Variants in LSAMP observed in about 807,000 individuals in gnomAD.
The protein encoded by LSAMP is limbic system-associated membrane protein.
A neutral mutation model predicts 38.6 loss-of-function variants in LSAMP; 7 were observed. The observed-to-expected ratio is 0.18, with a 90% CI of 0.10 to 0.34. The LOEUF (loss-of-function observed/expected upper bound fraction) is 0.34, where lower values mean the gene tolerates loss of function less well. Among genes scored for constraint, LSAMP ranks in the 10% least tolerant of loss-of-function variants. The pLI is 1.00. For synonymous variants in LSAMP, 154 were observed against 166.8 expected (o/e 0.92, Z 0.59); for missense variants, 313 against 420.0 (o/e 0.75, Z 2.23).
At chr3:116,407,996 C>CT (rs1485552776) in intron 1 of LSAMP, among the ~76,000 whole-genome samples, 1 of 151,928 alleles carries the variant, frequency 6.6e-6, no homozygotes, top group Non-Finnish European at 1.5e-5. Flanking sequence ...CTAATGTAAG[C>CT]TTATTAAGGA....
chr3:116,004,049 A>T (rs1427894347), intron 3 of LSAMP, among the ~76,000 whole-genome samples: 1 of 152,202 alleles, frequency 6.6e-6, no homozygotes, highest in Non-Finnish European at 1.5e-5. Context: ...TGTGTGATTA[A>T]TGACTGCAAC....
At chr3:116,164,756 A>ATTTT (rs1159041110) in intron 1 of LSAMP, among the ~76,000 whole-genome samples, 2 of 55,992 alleles carry the variant, frequency 3.6e-5, no homozygotes, top group Non-Finnish European at 7.9e-5. Context: ...ATATATATAT[A>ATTTT]TATATTTTTT....
chr3:115,874,160 C>G (rs949194266), intron 3 of LSAMP, among the ~76,000 whole-genome samples: 1 of 152,062 alleles, frequency 6.6e-6, no homozygotes, highest in Non-Finnish European at 1.5e-5. Flanking sequence ...AGAGTTGGAG[C>G]TTTTAGATTT....
intron 1 of LSAMP, among the ~76,000 whole-genome samples, chr3:116,299,816 A>G (rs568052052): frequency 6.6e-6 from 1 of 152,312 alleles, no homozygotes; most frequent in South Asian, 2.1e-4. Flanking sequence ...AAAGGCTCAG[A>G]AAAACAAGAC....
intron 1 of LSAMP, among the ~76,000 whole-genome samples, chr3:116,154,891 C>A (rs1162845818): frequency 1.3e-5 from 2 of 152,084 alleles, no homozygotes; most frequent in East Asian, 1.9e-4. Context: ...ATTGAAATAG[C>A]CATCTAGGTA....
Position 116,149,832 on chromosome 3 carries a change from A to G in LSAMP, c.156-63276T>C, listed in dbSNP as rs906133881. 3.9e-5 allele frequency among the ~76,000 whole-genome samples: 6 copies of G among 152,028 alleles called. No homozygotes were observed. In the East Asian group the frequency reaches 1.2e-3, roughly 29 times the overall value. On this transcript the variant is annotated intron_variant, in intron 1 of 6. Coordinates refer to ENST00000490035, the MANE Select transcript of LSAMP (RefSeq NM_002338.5). Reference sequence around the variant, plus strand: ...AAAGGCTCTATGAGTGACTGGAAGCATTTCTTATACACATACTGACTTCAG... The same window carrying G: ...AAAGGCTCTATGAGTGACTGGAAGCGTTTCTTATACACATACTGACTTCAG...
chr3:116,032,972 C>A (rs1576321144), intron 2 of LSAMP, among the ~76,000 whole-genome samples: 1 of 152,124 alleles, frequency 6.6e-6, no homozygotes, highest in African/African-American at 2.4e-5. Context: ...CCACTGATTG[C>A]GTAGAAGCAA....
At chr3:116,319,219 CTTTCCTCTATAAAAAAGTTAACAGA>C (rs2047674927) in intron 1 of LSAMP, among the ~76,000 whole-genome samples, 1 of 152,142 alleles carries the variant, frequency 6.6e-6, no homozygotes. Context: ...ACTATGCTTC[CTTTCCTCTATAAAAAAGTTAACAGA>C]TTAAAAAATG....
At chr3:115,910,426 T>C (rs546272826) in intron 3 of LSAMP, among the ~76,000 whole-genome samples, 3 of 152,312 alleles carry the variant, frequency 2.0e-5, no homozygotes, top group Admixed American at 1.3e-4. Flanking sequence ...ATGCCTTCTC[T>C]AGCTAACTAC....
At chr3:115,902,217 T>C (rs1936893211) in intron 3 of LSAMP, among the ~76,000 whole-genome samples, 1 of 151,992 alleles carries the variant, frequency 6.6e-6, no homozygotes, top group Non-Finnish European at 1.5e-5. Flanking sequence ...CATAGAAATA[T>C]ATAGTATCAT....
At chr3:115,874,191 G>A (rs1936123227) in intron 3 of LSAMP, among the ~76,000 whole-genome samples, 2 of 152,204 alleles carry the variant, frequency 1.3e-5, no homozygotes, top group Middle Eastern at 3.4e-3. Context: ...ATTGATTAAT[G>A]TAAACGGCAC....
chr3:115,894,069 T>C (rs915826339), intron 3 of LSAMP, among the ~76,000 whole-genome samples: 2 of 152,062 alleles, frequency 1.3e-5, no homozygotes, highest in African/African-American at 2.4e-5. Flanking sequence ...ATTTAGACAA[T>C]CTTATTCTGC....
intron 2 of LSAMP, among the ~76,000 whole-genome samples, chr3:116,039,740 A>G (rs938917810): frequency 6.6e-6 from 1 of 152,200 alleles, no homozygotes; most frequent in African/African-American, 2.4e-5. Context: ...GGCCACAGGA[A>G]AACCTTTGAG....
chr3:116,167,988 A>G (rs1710101661), intron 1 of LSAMP, among the ~76,000 whole-genome samples: 1 of 152,210 alleles, frequency 6.6e-6, no homozygotes, highest in East Asian at 1.9e-4. Flanking sequence ...ATGGAAGAGT[A>G]GAATTGAAGA....
intron 1 of LSAMP, among the ~76,000 whole-genome samples, chr3:116,148,841 A>G (rs923874783): frequency 6.6e-6 from 1 of 152,056 alleles, no homozygotes; most frequent in Admixed American, 6.6e-5. Flanking sequence ...AAAGAATGTC[A>G]GTAGTTTGCA....
chr3:116,314,631 A>G (rs933851269), intron 1 of LSAMP, among the ~76,000 whole-genome samples: 4 of 152,194 alleles, frequency 2.6e-5, no homozygotes, highest in African/African-American at 9.6e-5. Flanking sequence ...GGTTTAACTG[A>G]TAAAGACAGA....
intron 1 of LSAMP, among the ~76,000 whole-genome samples, chr3:116,123,613 C>CA (rs1708937790): frequency 6.6e-6 from 1 of 152,250 alleles, no homozygotes; most frequent in African/African-American, 2.4e-5. Flanking sequence ...CATTGTGAAT[C>CA]AAAAATGTTT....
intron 3 of LSAMP, among the ~76,000 whole-genome samples, chr3:115,936,657 T>G (rs1267391332): frequency 1.3e-5 from 2 of 152,152 alleles, no homozygotes; most frequent in African/African-American, 2.4e-5. Flanking sequence ...AATTAGCCTT[T>G]GGGAACCTGG....
intron 3 of LSAMP, among the ~76,000 whole-genome samples, chr3:115,901,260 T>C (rs960146451): frequency 5.3e-5 from 8 of 151,978 alleles, no homozygotes; most frequent in Non-Finnish European, 8.8e-5. Context: ...AATGTAGCAG[T>C]AAAATACTAG....
Sources: allele counts gnomAD v4.1 joint callset (sites outside exome capture counted in the v4.1 genomes callset), GRCh38; gene constraint gnomAD v4.1.1; transcripts MANE v1.5; gene names NCBI Gene and HGNC (gene_info 2026-07-23, HGNC 2026-07-21).